SOX5: variants seen among roughly 807,000 people sequenced by gnomAD.
SOX5 encodes SRY-box transcription factor 5, also known as transcription factor SOX-5.
In SOX5, 9 loss-of-function variants were observed where a neutral mutation model predicts 92.0. The ratio of observed to expected loss-of-function variants is 0.10; its 90% CI spans 0.06 to 0.17. The LOEUF (loss-of-function observed/expected upper bound fraction) is 0.17. Among genes scored for constraint, SOX5 ranks in the 10% least tolerant of loss-of-function variants. The pLI, the probability that SOX5 is intolerant of heterozygous loss-of-function variation, is 1.00. For missense variants in SOX5, 642 were observed against 944.5 expected, an observed-to-expected ratio of 0.68 and a Z score of 4.20; for synonymous variants, 344 against 336.3, an observed-to-expected ratio of 1.02 and a Z score of -0.25.
At chr12:24,375,655 G>A (rs2136304538) in intron 1 of SOX5, among the ~76,000 whole-genome samples, 1 of 148,932 alleles carries the variant, frequency 6.7e-6, no homozygotes, top group East Asian at 2.0e-4. Context: ...AGAATCGCTT[G>A]AACCCAGGAG....
chr12:23,794,927 AT>A (rs5797040), intron 3 of SOX5, among the ~76,000 whole-genome samples: 67,253 of 151,774 alleles, frequency 0.44, 15,200 homozygotes, highest in East Asian at 0.81. Flanking sequence ...TTAGATTAGA[AT>A]TTTTTTTAAC....
At chr12:24,112,676 A>C (rs983147642) in intron 4 of SOX5, among the ~76,000 whole-genome samples, 5 of 151,684 alleles carry the variant, frequency 3.3e-5, no homozygotes, top group African/African-American at 1.2e-4. Context: ...GACTACAGGC[A>C]TGTGCAACTG....
chr12:23,754,499 T>C (rs1379642647), intron 4 of SOX5, among the ~76,000 whole-genome samples: 1 of 151,852 alleles, frequency 6.6e-6, no homozygotes, highest in Admixed American at 6.6e-5. Flanking sequence ...TAGATTTTGG[T>C]TACTGAATTT....
At chr12:24,467,561 T>C (rs559832718) in intron 1 of SOX5, among the ~76,000 whole-genome samples, 2 of 152,218 alleles carry the variant, frequency 1.3e-5, no homozygotes, top group Admixed American at 6.5e-5. Flanking sequence ...CCACAAATAA[T>C]GCATCCTTTA....
intron 2 of SOX5, among the ~76,000 whole-genome samples, chr12:23,870,730 T>C (rs1309663971): frequency 6.6e-6 from 1 of 152,076 alleles, no homozygotes; most frequent in Non-Finnish European, 1.5e-5. Context: ...TGGTGCTAAA[T>C]TGTATTCTAA....
chr12:23,773,194 G>T lies in SOX5; in HGVS notation c.482-17470C>A, dbSNP rs548684861. On this transcript the variant is annotated intron_variant, in intron 3 of 14. Coordinates refer to ENST00000451604, the MANE Select transcript of SOX5 (RefSeq NM_006940.6). The stretch of plus-strand genomic sequence containing the variant: ...CTATTTTTGTTATTTTATATATATA[G>T]ATATGAGTATATAAAATAATAAATA... Among the ~76,000 whole-genome samples the T allele has an allele frequency of 2.6e-4, 40 of 152,012 alleles. No homozygotes were observed. In the East Asian group the frequency reaches 6.2e-3, roughly 23 times the overall value.
intron 2 of SOX5, among the ~76,000 whole-genome samples, chr12:23,868,633 A>C (rs776235553): frequency 1.6e-4 from 25 of 152,108 alleles, no homozygotes; most frequent in Non-Finnish European, 1.3e-4. Flanking sequence ...ATTTCACTAA[A>C]ATACAAATAA....
chr12:24,066,137 C>G (rs1940699182), intron 4 of SOX5, among the ~76,000 whole-genome samples: 2 of 152,064 alleles, frequency 1.3e-5, no homozygotes, highest in Non-Finnish European at 2.9e-5. Flanking sequence ...GGCTATAATT[C>G]TGGAATGAAC....
At chr12:24,289,163 C>G (rs73060331) in intron 2 of SOX5, among the ~76,000 whole-genome samples, 9 of 152,110 alleles carry the variant, frequency 5.9e-5, no homozygotes, top group Non-Finnish European at 1.3e-4. Flanking sequence ...CATCTGTGGT[C>G]CCAGGTATTG....
At chr12:24,106,877 G>A (rs926092813) in intron 4 of SOX5, among the ~76,000 whole-genome samples, 3 of 150,486 alleles carry the variant, frequency 2.0e-5, no homozygotes, top group Non-Finnish European at 4.4e-5. Context: ...AGATTCCAAA[G>A]GATGAGAAAT....
At chr12:24,485,105 T>G (rs1946386432) in intron 1 of SOX5, among the ~76,000 whole-genome samples, 4 of 151,982 alleles carry the variant, frequency 2.6e-5, no homozygotes, top group Admixed American at 2.6e-4. Flanking sequence ...AAAGTGGAGA[T>G]GGGCTCAAGC....
chr12:24,109,385 TTTTG>T (rs753976414), intron 4 of SOX5, among the ~76,000 whole-genome samples: 43 of 151,744 alleles, frequency 2.8e-4, no homozygotes, highest in East Asian at 1.2e-3. Context: ...TTGCACCAAC[TTTTG>T]TTTAAGATAT....
At chr12:23,819,631 AT>A (rs369916937) in intron 3 of SOX5, among the ~76,000 whole-genome samples, 49 of 151,982 alleles carry the variant, frequency 3.2e-4, no homozygotes, top group South Asian at 4.2e-4. Flanking sequence ...CTCTGTGTCC[AT>A]GTGTTCTCAT....
At chr12:24,423,377 T>A (rs571716494) in intron 1 of SOX5, among the ~76,000 whole-genome samples, 2 of 152,354 alleles carry the variant, frequency 1.3e-5, no homozygotes, top group African/African-American at 2.4e-5. Flanking sequence ...CTTTTGTGAT[T>A]TCCTCAAATC....
intron 1 of SOX5, chr12:24,460,868 C>A (rs762651557): frequency 1.3e-5 from 2 of 152,178 alleles, no homozygotes; most frequent in Non-Finnish European, 2.9e-5. Context: ...AACCTGAACT[C>A]ATCCCTGTAA....
At chr12:23,946,200 C>A (rs1214307376) in intron 1 of SOX5, among the ~76,000 whole-genome samples, 1 of 152,040 alleles carries the variant, frequency 6.6e-6, no homozygotes, top group Non-Finnish European at 1.5e-5. Context: ...TTGTCTGCAC[C>A]AATTTGGGAG....
chr12:24,198,927 G>A (rs1206327773), intron 4 of SOX5, among the ~76,000 whole-genome samples: 6 of 152,322 alleles, frequency 3.9e-5, no homozygotes, highest in South Asian at 2.1e-4. Context: ...CCTGCTCCCC[G>A]TGTGGCGCTC....
At chr12:23,856,253 G>A (rs564961305) in intron 2 of SOX5, among the ~76,000 whole-genome samples, 1 of 152,186 alleles carries the variant, frequency 6.6e-6, no homozygotes, top group South Asian at 2.1e-4. Context: ...TTATATTCAT[G>A]TAGTTTACAC....
intron 2 of SOX5, among the ~76,000 whole-genome samples, chr12:24,311,557 A>T (rs1490539625): frequency 6.6e-6 from 1 of 152,228 alleles, no homozygotes; most frequent in Non-Finnish European, 1.5e-5. Flanking sequence ...AGTTTTAACT[A>T]AAACCTGATG....
Sources: gnomAD v4.1 joint callset for allele counts (sites outside exome capture counted in the v4.1 genomes callset) on GRCh38, gnomAD v4.1.1 for gene constraint, MANE v1.5 for transcripts, NCBI Gene and HGNC (gene_info 2026-07-23, HGNC 2026-07-21) for gene names.